Variants in JAM3 observed in about 807,000 individuals in gnomAD.
The protein encoded by JAM3 is junctional adhesion molecule 3.
Under a neutral mutation model 39.4 loss-of-function variants are expected in JAM3, and 31 were observed. The ratio of observed to expected loss-of-function variants is 0.79; its 90% CI spans 0.59 to 1.06. JAM3 has a LOEUF of 1.06. JAM3 is among the 50% of genes least tolerant of loss of function. The pLI is 0.00. For missense variants in JAM3, 455 were observed against 391.4 expected (o/e 1.16, Z -1.37); for synonymous variants, 182 against 148.7 (o/e 1.22, Z -1.63).
intron 1 of JAM3, chr11:134,124,029 G>GGCACTGCA: frequency 6.9e-7 from 1 of 1,448,510 alleles, no homozygotes; most frequent in Non-Finnish European, 9.7e-7. Flanking sequence ...CGCAACACAA[G>GGCACTGCA]GCACTGCAAC....
chr11:134,128,025 T>C (rs973456772), intron 1 of JAM3, among the ~76,000 whole-genome samples: 1 of 152,194 alleles, frequency 6.6e-6, no homozygotes, highest in African/African-American at 2.4e-5. Context: ...GTGGTTTTTT[T>C]GTTTATAAAA....
chr11:134,120,727 T>C (rs145094869), intron 1 of JAM3, among the ~76,000 whole-genome samples: 68 of 152,290 alleles, frequency 4.5e-4, no homozygotes, highest in Non-Finnish European at 8.2e-4. Context: ...CAGTTTTTCA[T>C]GGACCCTCAC....
chr11:134,079,546 C>T (rs760607614), intron 1 of JAM3, among the ~76,000 whole-genome samples: 8 of 152,056 alleles, frequency 5.3e-5, no homozygotes, highest in Non-Finnish European at 1.2e-4. Flanking sequence ...AAAAAAAAAG[C>T]ACTGTATCGT....
intron 1 of JAM3, among the ~76,000 whole-genome samples, chr11:134,110,652 A>G (rs1412648317): frequency 6.6e-6 from 1 of 152,098 alleles, no homozygotes; most frequent in Non-Finnish European, 1.5e-5. Flanking sequence ...GTGAATAAGG[A>G]AGGAAGGGCA....
At chr11:134,089,539 A>G (rs1427844898) in intron 1 of JAM3, among the ~76,000 whole-genome samples, 1 of 151,840 alleles carries the variant, frequency 6.6e-6, no homozygotes, top group Non-Finnish European at 1.5e-5. Context: ...ATTCCCACCT[A>G]TGAGTGAGAA....
At chr11:134,069,272 G>T (rs914722624) in intron 1 of JAM3, 113 bp downstream of exon 1, 1 of 1,404,908 alleles carries the variant, frequency 7.1e-7, no homozygotes, top group South Asian at 1.3e-5. Context: ...TGGCTCCGAG[G>T]GCTCCCGGGG....
chr11:134,116,905 C>A (rs1230652301), intron 1 of JAM3, among the ~76,000 whole-genome samples: 1 of 152,116 alleles, frequency 6.6e-6, no homozygotes. Context: ...TTTCCCCTTG[C>A]ATATTCATTC....
intron 1 of JAM3, among the ~76,000 whole-genome samples, chr11:134,084,567 C>G (rs1172755844): frequency 6.7e-6 from 1 of 149,496 alleles, no homozygotes; most frequent in Non-Finnish European, 1.5e-5. Context: ...GTAGTAAGCT[C>G]TCAGTGTTAG....
At chr11:134,104,872 C>T (rs1490059769) in intron 1 of JAM3, among the ~76,000 whole-genome samples, 1 of 151,906 alleles carries the variant, frequency 6.6e-6, no homozygotes, top group African/African-American at 2.4e-5. Flanking sequence ...AATAGCCTAC[C>T]AACCAAAAAA....
chr11:134,115,908 A>G (rs1942421203), intron 1 of JAM3, among the ~76,000 whole-genome samples: 1 of 152,118 alleles, frequency 6.6e-6, no homozygotes, highest in Non-Finnish European at 1.5e-5. Flanking sequence ...AAATAAATAA[A>G]TAAAAAATTG....
chr11:134,069,316 C>T (rs769518130), intron 1 of JAM3, among the ~76,000 whole-genome samples, 157 bp downstream of exon 1: 9 of 152,158 alleles, frequency 5.9e-5, no homozygotes, highest in Non-Finnish European at 1.3e-4. Context: ...CGCCCGCGTC[C>T]CCGCAGCCAG....
At chr11:134,093,999 C>T (rs1385537707) in intron 1 of JAM3, among the ~76,000 whole-genome samples, 1 of 119,904 alleles carries the variant, frequency 8.3e-6, no homozygotes, top group African/African-American at 3.1e-5. Context: ...TTCTCCTGAA[C>T]CCTCCTTATT....
chr11:134,132,325 C>G lies in JAM3; in HGVS notation c.77-7526C>G, dbSNP rs917984675. Among the ~76,000 whole-genome samples, 12 of 152,240 alleles carry G rather than the reference C, an allele frequency of 7.9e-5. No homozygotes were observed. In the East Asian group the frequency reaches 2.3e-3, roughly 29 times the overall value. On this transcript the variant is annotated intron_variant, in intron 1 of 8. Transcript: ENST00000299106. ...TGTAAAACACAAATTCTATATCCAG[C>G]AAAACCATCCTTCAACTATGAAGCA...
intron 1 of JAM3, among the ~76,000 whole-genome samples, chr11:134,133,794 A>G (rs887784463): frequency 6.6e-6 from 1 of 152,114 alleles, no homozygotes; most frequent in African/African-American, 2.4e-5. Context: ...CCTTACCACC[A>G]CAACACTAAA....
chr11:134,140,818 G>A (rs543600297), intron 3 of JAM3, 48 bp downstream of exon 3: 1 of 1,576,188 alleles, frequency 6.3e-7, no homozygotes, highest in African/African-American at 1.4e-5. Context: ...TCTGTCCATA[G>A]ACCTGGGTAT....
intron 1 of JAM3, among the ~76,000 whole-genome samples, chr11:134,131,493 A>G (rs2120819499): frequency 6.6e-6 from 1 of 152,214 alleles, no homozygotes; most frequent in East Asian, 1.9e-4. Context: ...ATCAAATGCC[A>G]GATTTTCAAC....
rs147697073 is a variant in JAM3 at position 134,072,215 on chromosome 11, T to C, written c.76+3056T>C. On this transcript the variant is annotated intron_variant, in intron 1 of 8. Transcript: ENST00000299106. ...ATTCCTTCTCCATAAATTCTTTGAA[T>C]TTTTTAAAAGCACAAATGTAGTAAA... Among the ~76,000 whole-genome samples, 710 of 152,220 alleles carry C rather than the reference T, an allele frequency of 4.7e-3. 6 individuals carry two copies. Among genetic ancestry groups the C allele is most frequent in the African/African-American group, 0.016 (678 of 41,568 alleles).
intron 1 of JAM3, among the ~76,000 whole-genome samples, chr11:134,107,783 G>T (rs1387080158): frequency 6.6e-6 from 1 of 151,916 alleles, no homozygotes; most frequent in Non-Finnish European, 1.5e-5. Flanking sequence ...GAATTGCTTG[G>T]TCCCAGGAAA....
chr11:134,105,175 C>T (rs1006719671), intron 1 of JAM3, among the ~76,000 whole-genome samples: 1 of 152,146 alleles, frequency 6.6e-6, no homozygotes, highest in Non-Finnish European at 1.5e-5. Context: ...GGGCTTCATC[C>T]CTGGGATGTA....
Sources: gnomAD v4.1 joint callset for allele counts (sites outside exome capture counted in the v4.1 genomes callset) on GRCh38, gnomAD v4.1.1 for gene constraint, MANE v1.5 for transcripts, NCBI Gene and HGNC (gene_info 2026-07-23, HGNC 2026-07-21) for gene names.